The following COG5 variants were observed in gnomAD, a reference collection of about 807,000 sequenced individuals.
The protein encoded by COG5 is component of oligomeric golgi complex 5.
COG5 carries 86 observed loss-of-function variants against 110.4 expected under a neutral mutation model. The ratio of observed to expected loss-of-function variants is 0.78; its 90% CI spans 0.65 to 0.93. The LOEUF (loss-of-function observed/expected upper bound fraction) is 0.93. Ranked by LOEUF, COG5 falls within the 40% of genes least tolerant of loss-of-function variation. The pLI, the probability that COG5 is intolerant of heterozygous loss-of-function variation, is 0.00. For synonymous variants in COG5, 360 were observed against 334.6 expected (o/e 1.08, Z -0.83); for missense variants, 1,077 against 987.0 (o/e 1.09, Z -1.22).
intron 11 of COG5, among the ~76,000 whole-genome samples, chr7:107,305,476 T>C (rs2116958869): frequency 6.6e-6 from 1 of 152,314 alleles, no homozygotes; most frequent in Non-Finnish European, 1.5e-5. Flanking sequence ...ACTAGTTATC[T>C]ATTGTCATGT....
intron 6 of COG5, among the ~76,000 whole-genome samples, chr7:107,442,668 C>G (rs566352389): frequency 6.8e-6 from 1 of 146,974 alleles, no homozygotes. Flanking sequence ...AAAGTCTATA[C>G]GAGAAACTTG....
chr7:107,556,589 A>AT (rs1803341120), intron 2 of COG5, among the ~76,000 whole-genome samples: 1 of 152,158 alleles, frequency 6.6e-6, no homozygotes, highest in South Asian at 2.1e-4. Context: ...AACTAAATAC[A>AT]TTATCCCCGC....
Position 107,505,255 on chromosome 7 carries a change from G to C in COG5, c.538+21982C>G, listed in dbSNP as rs1584905805. 2.6e-5 allele frequency among the ~76,000 whole-genome samples: 4 copies of C among 152,314 alleles called. No homozygotes were observed. The South Asian group carries it at 8.3e-4, about 32-fold the overall frequency. On this transcript the variant is annotated intron_variant, in intron 6 of 21. Transcript: ENST00000297135. Reference sequence around the variant, plus strand: ...CTTTGGCTAAAGCAGGTGGGTAAATGCAATACCCAATGGTGGGGAAAGGTC... The same window carrying C: ...CTTTGGCTAAAGCAGGTGGGTAAATCCAATACCCAATGGTGGGGAAAGGTC...
Position 107,298,295 on chromosome 7 carries a change from C to T in COG5, c.1160G>A (p.Arg387His), listed in dbSNP as rs35258567. Residue 387 changes from arginine (R) to histidine (H), a missense_variant, in exon 12 of 22, where the codon CGT (arginine) becomes CAT (histidine). Physicochemically the swap from Arg to His is conservative, Grantham distance 29. Transcript: ENST00000297135. ...AFEGEYPKLL[R>H]LYNDLWKRLQ... is the part of the protein sequence containing the mutation. ...ACGCTTCCATAAGTCATTATAAAGA[C>T]GTAATAATTTAGGGTATTCTCCTTC... is the stretch of plus-strand genomic sequence containing the variant. 2.2e-4 allele frequency: 359 copies of T among 1,613,496 alleles called. 2 individuals carry two copies. The African/African-American group carries it at 3.8e-3, about 17-fold the overall frequency.
At chr7:107,538,077 G>A (rs1158910572) in intron 5 of COG5, among the ~76,000 whole-genome samples, 1 of 152,140 alleles carries the variant, frequency 6.6e-6, no homozygotes, top group Non-Finnish European at 1.5e-5. Flanking sequence ...ACAGGTGAAT[G>A]CCAGCAGCTG....
At chr7:107,204,195 A>T (rs887737926) in intron 21 of COG5, among the ~76,000 whole-genome samples, 2 of 152,210 alleles carry the variant, frequency 1.3e-5, no homozygotes, top group Admixed American at 1.3e-4. Context: ...AAGGGGATGT[A>T]CCATTCCATT....
chr7:107,288,905 GAGATAT>G lies in COG5; in HGVS notation c.1314-5179_1314-5174del, dbSNP rs1286952663. Among the ~76,000 whole-genome samples, 84 of 67,276 alleles carry G rather than the reference GAGATAT, an allele frequency of 1.2e-3. 2 individuals are homozygous for G. The highest frequency in any genetic ancestry group is 3.9e-3 in the African/African-American group (82 of 20,906). The allele number at this position is 67,276 out of a possible 152,430, so 44.1% of individuals were successfully genotyped here. ...AGATTTGCCCCTATGTTTTCTAACA[GAGATAT>G]ATATATATATATATATATATATATA... is the stretch of plus-strand genomic sequence containing the variant. On this transcript the variant is annotated intron_variant, in intron 12 of 21. Transcript: ENST00000297135.
chr7:107,488,594 C>T (rs1213482277), intron 6 of COG5, among the ~76,000 whole-genome samples: 1 of 152,066 alleles, frequency 6.6e-6, no homozygotes, highest in African/African-American at 2.4e-5. Flanking sequence ...CCTGTAATCC[C>T]AGCGCTTTGG....
chr7:107,412,712 CA>C lies in COG5; in HGVS notation c.539-81del, dbSNP rs372240169. On this transcript the variant is annotated intron_variant, in intron 6 of 21. Coordinates refer to ENST00000297135, the MANE Select transcript of COG5 (RefSeq NM_006348.5). ...AGGTATCAAAATATGTATAACTTCT[CA>C]AAAAAAAAAAACAAAAAACGCTATT... 0.22 allele frequency: 127,369 copies of C among 587,054 alleles called. 4,274 individuals carry two copies. Among genetic ancestry groups the C allele is most frequent in the Non-Finnish European group, 0.24 (92,941 of 385,964 alleles). 36.4% of individuals were successfully genotyped at this position (587,054 alleles called of 1,614,324 possible). A position where few individuals can be genotyped will look rare whatever the true frequency, so the allele number is the denominator to read the frequency against.
chr7:107,411,533 T>C (rs1432965013), intron 7 of COG5, among the ~76,000 whole-genome samples: 2 of 152,156 alleles, frequency 1.3e-5, no homozygotes, highest in Non-Finnish European at 2.9e-5. Flanking sequence ...GTACTGATAA[T>C]GTCCTATTTC....
chr7:107,441,228 C>T (rs997662096), intron 6 of COG5, among the ~76,000 whole-genome samples: 6 of 143,798 alleles, frequency 4.2e-5, no homozygotes, highest in African/African-American at 1.6e-4. Flanking sequence ...TGCACTCCAA[C>T]CTGGGCAACA....
intron 6 of COG5, among the ~76,000 whole-genome samples, chr7:107,509,797 C>G (rs939913837): frequency 2.6e-5 from 4 of 152,124 alleles, no homozygotes; most frequent in Admixed American, 2.6e-4. Flanking sequence ...TCCAGCCAAA[C>G]TAAGCTTCAT....
intron 21 of COG5, 128 bp downstream of exon 21, chr7:107,210,398 G>A (rs1364024951): frequency 4.1e-6 from 6 of 1,478,596 alleles, no homozygotes; most frequent in South Asian, 2.7e-5. Context: ...AGGCAGTGAG[G>A]TGGCCCGCCA....
intron 10 of COG5, among the ~76,000 whole-genome samples, chr7:107,332,781 G>C (rs886648941): frequency 3.3e-5 from 5 of 152,036 alleles, no homozygotes; most frequent in Admixed American, 1.3e-4. Flanking sequence ...AAAGTGTTTA[G>C]AAGAAAATAA....
chr7:107,248,836 G>A (rs1343142456), intron 16 of COG5, among the ~76,000 whole-genome samples: 2 of 152,208 alleles, frequency 1.3e-5, no homozygotes, highest in African/African-American at 4.8e-5. Context: ...ACACATTTAA[G>A]TTTCACAAAA....
At chr7:107,293,404 T>C (rs964907231) in intron 12 of COG5, among the ~76,000 whole-genome samples, 30 of 152,306 alleles carry the variant, frequency 2.0e-4, no homozygotes, top group African/African-American at 7.0e-4. Context: ...TCTTGGCTAC[T>C]GCAGTCTAGA....
At chr7:107,491,201 C>T (rs1315329602) in intron 6 of COG5, among the ~76,000 whole-genome samples, 1 of 152,104 alleles carries the variant, frequency 6.6e-6, no homozygotes, top group African/African-American at 2.4e-5. Flanking sequence ...CTATCCTCTA[C>T]CTTCTGTCCT....
chr7:107,469,681 A>T (rs989733307), intron 6 of COG5, among the ~76,000 whole-genome samples: 8 of 152,140 alleles, frequency 5.3e-5, no homozygotes, highest in African/African-American at 1.9e-4. Flanking sequence ...ATCTCAATCA[A>T]AAACCTATAT....
intron 17 of COG5, among the ~76,000 whole-genome samples, chr7:107,244,502 T>C (rs889326214): frequency 6.6e-6 from 1 of 151,996 alleles, no homozygotes; most frequent in Non-Finnish European, 1.5e-5. Context: ...AACAGAGACA[T>C]GAAAACCATT....
Sources: allele counts gnomAD v4.1 joint callset (sites outside exome capture counted in the v4.1 genomes callset), GRCh38; gene constraint gnomAD v4.1.1; transcripts MANE v1.5; gene names NCBI Gene and HGNC (gene_info 2026-07-23, HGNC 2026-07-21).